Variants in STAB1 observed in about 807,000 individuals in gnomAD.
STAB1 encodes the protein stabilin-1.
In STAB1, 250 loss-of-function variants were observed where a neutral mutation model predicts 332.4. The ratio of observed to expected loss-of-function variants is 0.75; its 90% CI spans 0.68 to 0.84. STAB1 has a LOEUF of 0.84. Among genes scored for constraint, STAB1 ranks in the 40% least tolerant of loss-of-function variants. STAB1 has a pLI of 0.00. For synonymous variants in STAB1, 1,475 were observed against 1,390.4 expected (o/e 1.06, Z -1.35); for missense variants, 3,249 against 3,489.7 (o/e 0.93, Z 1.74).
In STAB1 at chr3:52,523,250, A is replaced by G. The variant is rs989142156; in HGVS notation, c.7049A>G (p.Gln2350Arg). Reference protein sequence around the residue: ...GMLLGYANATQRGLDFLDFLD... With the variant: ...GMLLGYANATRRGLDFLDFLD... ...CTATTGGGCTATGCCAATGCCACCCAGCGGGGTCTCGACTTCCTGGACTTC... is the reference window on the plus strand; with the variant it reads ...CTATTGGGCTATGCCAATGCCACCCGGCGGGGTCTCGACTTCCTGGACTTC... The change falls in exon 64 of 69, where the codon CAG becomes CGG. Residue 2350 changes from glutamine to arginine, a missense_variant. Coordinates refer to ENST00000321725, the MANE Select transcript of STAB1 (RefSeq NM_015136.3). The G allele has an allele frequency of 5.6e-6, 9 of 1,613,190 alleles. No individual in the cohort carries two copies. The highest frequency in any genetic ancestry group is 7.6e-6 in the Non-Finnish European group (9 of 1,180,020).
Position 52,506,212 on chromosome 3 carries a change from A to G in STAB1, c.1792A>G (p.Met598Val), listed in dbSNP as rs1708849975. ...KLISKGRILT[M>V]ANQVLAVNIS... ...CATCTCCAAGGGTCGGATCCTCACC[A>G]TGGCGAACCAGGTCCTGGCTGTGAA... The change falls in exon 17 of 69, where the codon ATG becomes GTG. Residue 598 changes from methionine (M) to valine (V), a missense_variant. Physicochemically the swap from Met to Val is conservative, Grantham distance 21. Transcript: ENST00000321725. The G allele has an allele frequency of 6.2e-7, 1 of 1,612,984 alleles. No individual in the cohort carries two copies. The highest frequency in any genetic ancestry group is 8.5e-7 in the Non-Finnish European group (1 of 1,179,716).
At chr3:52,503,313 G>C in intron 7 of STAB1, 31 bp from the exon 8 acceptor site, 7 of 1,582,466 alleles carry the variant, frequency 4.4e-6, no homozygotes, top group Non-Finnish European at 6.0e-6. Context: ...TGGGTGCTTG[G>C]CTCACTTGGG....
In STAB1 at chr3:52,518,011, T is replaced by A; in HGVS notation, c.4761+8T>A. Reference sequence around the variant, plus strand: ...CGTGCCCGAGTCGGCCTGGTAATGATGCCCAAGTCAGACCCCTGATCTGGT... The same window carrying A: ...CGTGCCCGAGTCGGCCTGGTAATGAAGCCCAAGTCAGACCCCTGATCTGGT... On this transcript the variant is annotated splice_region_variant and intron_variant, in intron 45 of 68. Coordinates refer to ENST00000321725, the MANE Select transcript of STAB1 (RefSeq NM_015136.3). The A allele has an allele frequency of 6.3e-7, 1 of 1,599,788 alleles. No homozygotes were observed. Among genetic ancestry groups the A allele is most frequent in the Non-Finnish European group, 8.5e-7 (1 of 1,175,286 alleles).
At position 52,511,664 on chromosome 3, in the gene STAB1, C is replaced by A; in HGVS notation, c.2802C>A (p.Cys934Ter). 1 of 1,610,684 alleles carries A rather than the reference C, an allele frequency of 6.2e-7. No individual in the cohort carries two copies. The highest frequency in any genetic ancestry group is 8.5e-7 in the Non-Finnish European group (1 of 1,178,530). ...AACCTTTCCAGAGCCGATGCACCTG[C>A]AAGCTGGGCTTTGCCGGGGATGGCT... ...YVGPGQSRCT[C>*]KLGFAGDGYQ... Residue 934 changes from cysteine (C) to a stop codon, truncating the protein, a stop_gained, in exon 26 of 69, where the codon TGC (cysteine) becomes TGA (stop). Coordinates refer to ENST00000321725, the MANE Select transcript of STAB1 (RefSeq NM_015136.3). LOFTEE classifies it high-confidence loss of function.
At chr3:52,497,259 G>C (rs1708098813) in intron 1 of STAB1, among the ~76,000 whole-genome samples, 1 of 152,014 alleles carries the variant, frequency 6.6e-6, no homozygotes, top group African/African-American at 2.4e-5. Context: ...CAAAGTGCTG[G>C]GATTACAGGT....
intron 49 of STAB1, 36 bp from the exon 50 acceptor site, chr3:52,519,469 C>T (rs1293458871): frequency 3.7e-6 from 6 of 1,612,716 alleles, no homozygotes; most frequent in Admixed American, 1.7e-5. Context: ...CCTCCCTTCC[C>T]GCCTGGCCTA....
Position 52,505,309 on chromosome 3 carries a change from C to T in STAB1, c.1519-10C>T. On this transcript the variant is annotated splice_polypyrimidine_tract_variant and intron_variant, in intron 13 of 68. Transcript: ENST00000321725. ...TTCCCTGGGGCCCTCACACTCATCCCTCCTTACAGAGAACTATCGGACAGA... is the reference window on the plus strand; with the variant it reads ...TTCCCTGGGGCCCTCACACTCATCCTTCCTTACAGAGAACTATCGGACAGA... The T allele has an allele frequency of 6.2e-7, 1 of 1,613,608 alleles. No individual in the cohort carries two copies. The highest frequency in any genetic ancestry group is 1.1e-5 in the South Asian group (1 of 91,076).
At chr3:52,501,875 G>A (rs775285408) in intron 3 of STAB1, 122 bp downstream of exon 3, 75 of 1,375,850 alleles carry the variant, frequency 5.5e-5, no homozygotes, top group African/African-American at 1.0e-4. Context: ...CTCACCGAGC[G>A]CCTCCAAGGC....
rs777270530 is a variant in STAB1 at position 52,520,434 on chromosome 3, T to C, written c.5534T>C (p.Ile1845Thr). ...ELMVGEDDAR[I>T]VQRHLPFEGG... ...ATGGTGGGTGAGGATGATGCTCGCA[T>C]TGTGCAGCGGCACTTGCCCTTTGAG... Residue 1845 changes from isoleucine to threonine, a missense_variant, in exon 53 of 69, where the codon ATT (isoleucine) becomes ACT (threonine). Coordinates refer to ENST00000321725, the MANE Select transcript of STAB1 (RefSeq NM_015136.3). 6.2e-7 allele frequency: 1 copy of C among 1,612,582 alleles called. No homozygotes were observed. The highest frequency in any genetic ancestry group is 1.1e-5 in the South Asian group (1 of 91,080).
Position 52,518,800 on chromosome 3 carries a change from C to A in STAB1, c.4965C>A (p.Ser1655Arg), listed in dbSNP as rs755021598. 2.5e-6 allele frequency: 4 copies of A among 1,611,712 alleles called. No individual in the cohort carries two copies. In the East Asian group the frequency reaches 6.7e-5, roughly 27 times the overall value. The change falls in exon 48 of 69, where the codon AGC (serine) becomes AGA (arginine). Residue 1655 changes from serine to arginine, a missense_variant. Physicochemically the swap from Ser to Arg is moderately radical, Grantham distance 110. Coordinates refer to ENST00000321725, the MANE Select transcript of STAB1 (RefSeq NM_015136.3). ...YHVVGCRRLRSEDLLEQGYAT... is the reference protein window; with the variant it reads ...YHVVGCRRLRREDLLEQGYAT... Reference sequence around the variant, plus strand: ...TGGTTGGCTGTCGGCGGCTGCGGAGCGAGGACCTGCTGGAGCAGGGGTACG... The same window carrying A: ...TGGTTGGCTGTCGGCGGCTGCGGAGAGAGGACCTGCTGGAGCAGGGGTACG...
chr3:52,506,391 G>A (rs993039091), intron 17 of STAB1, 141 bp downstream of exon 17: 14 of 826,480 alleles, frequency 1.7e-5, no homozygotes, highest in Admixed American at 2.2e-5. Flanking sequence ...AAGGAAGCAG[G>A]CAGAGATCAA....
intron 1 of STAB1, among the ~76,000 whole-genome samples, chr3:52,499,877 C>T (rs1465713983): frequency 2.8e-5 from 3 of 105,752 alleles, no homozygotes; most frequent in South Asian, 4.1e-4. Context: ...CCAGCCTGGG[C>T]GACAGAGCGA....
At chr3:52,500,455 C>T (rs1275005854) in intron 1 of STAB1, among the ~76,000 whole-genome samples, 1 of 152,238 alleles carries the variant, frequency 6.6e-6, no homozygotes, top group Non-Finnish European at 1.5e-5. Context: ...CTCACGTGAG[C>T]CCAGCCTCTC....
chr3:52,511,610 C>T (rs1198707099), intron 25 of STAB1, 40 bp from the exon 26 acceptor site: 1 of 1,559,058 alleles, frequency 6.4e-7, no homozygotes, highest in Admixed American at 1.8e-5. Context: ...GGGTTGGATG[C>T]TCATCATGAG....
In STAB1 at chr3:52,504,382, G is replaced by A. The variant is rs1235703918; in HGVS notation, c.1151-79G>A. 4 of 1,509,598 alleles carry A rather than the reference G, an allele frequency of 2.6e-6. No individual in the cohort carries two copies. The Admixed American group carries it at 5.0e-5, about 19-fold the overall frequency. 93.5% of individuals were successfully genotyped at this position (1,509,598 alleles called of 1,614,324 possible). ...CCCCCACCCCAACTCCCCCACACCA[G>A]GTCTGATGCCCGAACATCTTCTGAG... On this transcript the variant is annotated intron_variant, in intron 10 of 68. Transcript: ENST00000321725.
At chr3:52,509,577 CA>C in intron 22 of STAB1, 1 of 592,106 alleles carries the variant, frequency 1.7e-6, no homozygotes. Context: ...TCACCCAGGC[CA>C]GGAAGGGAAC....
Position 52,520,023 on chromosome 3 carries a change from G to T in STAB1, c.5315G>T (p.Arg1772Leu). The T allele has an allele frequency of 6.2e-7, 1 of 1,612,462 alleles. No homozygotes were observed. ...TMLWPTDAAF[R>L]ALPPDRQAWL... ...CTGTGGCCCACAGACGCCGCCTTTC[G>T]AGCTCTGCCTCCGGATCGCCAGGCC... is the stretch of plus-strand genomic sequence containing the variant. Residue 1772 changes from arginine (R) to leucine (L), a missense_variant, in exon 51 of 69, where the codon CGA becomes CTA. Physicochemically the swap from Arg to Leu is moderately radical, Grantham distance 102. Coordinates refer to ENST00000321725, the MANE Select transcript of STAB1 (RefSeq NM_015136.3).
chr3:52,509,155 G>A (rs1709103090), intron 21 of STAB1, 55 bp from the exon 22 acceptor site: 1 of 1,515,952 alleles, frequency 6.6e-7, no homozygotes, highest in Admixed American at 1.8e-5. Flanking sequence ...GTTGGGAGAG[G>A]GGATGTAGAG....
chr3:52,510,012 C>T lies in STAB1; in HGVS notation c.2490C>T (p.His830=), dbSNP rs573745586. ...GTGGGCCCACAGGGCTGGCCCAGCA[C>T]TGCCACCTGCATGCCCGCTGTGTTA... ...GDCGPTGLAQ[H]CHLHARCVSQ... Residue 830 remains histidine (H), a synonymous_variant, in exon 23 of 69, where the codon CAC becomes CAT. Coordinates refer to ENST00000321725, the MANE Select transcript of STAB1 (RefSeq NM_015136.3). 39 of 1,608,048 alleles carry T rather than the reference C, an allele frequency of 2.4e-5. 1 individual carries two copies. Among genetic ancestry groups the T allele is most frequent in the South Asian group, 2.0e-4 (18 of 90,582 alleles).
Sources: gnomAD v4.1 joint callset for allele counts (sites outside exome capture counted in the v4.1 genomes callset) on GRCh38, gnomAD v4.1.1 for gene constraint, MANE v1.5 for transcripts, NCBI Gene and HGNC (gene_info 2026-07-23, HGNC 2026-07-21) for gene names.